ARL8B: variants seen among roughly 807,000 people sequenced by gnomAD.
ARL8B encodes the protein ADP-ribosylation factor-like protein 8B.
A neutral mutation model predicts 30.6 loss-of-function variants in ARL8B; 9 were observed. That is an observed-to-expected ratio of 0.29 (90% CI 0.18 to 0.51). ARL8B has a LOEUF of 0.51. Ranked by LOEUF, ARL8B falls within the 20% of genes least tolerant of loss-of-function variation. The pLI, the probability that ARL8B is intolerant of heterozygous loss-of-function variation, is 0.97. For missense variants in ARL8B, 130 were observed against 227.2 expected (o/e 0.57, Z 2.75); for synonymous variants, 74 against 76.0 (o/e 0.97, Z 0.14).
intron 1 of ARL8B, among the ~76,000 whole-genome samples, chr3:5,169,790 T>C (rs532286548): frequency 6.6e-6 from 1 of 152,308 alleles, no homozygotes; most frequent in South Asian, 2.1e-4. Flanking sequence ...TAATGTCTTA[T>C]ATAAGTGAAA....
chr3:5,157,868 A>T (rs1176543465), intron 1 of ARL8B: 2 of 152,210 alleles, frequency 1.3e-5, no homozygotes, highest in Non-Finnish European at 2.9e-5. Context: ...GATTGGGAGA[A>T]AACAAGCAAA....
chr3:5,165,412 A>G (rs1211708208), intron 1 of ARL8B, among the ~76,000 whole-genome samples: 1 of 152,190 alleles, frequency 6.6e-6, no homozygotes. Flanking sequence ...AGAAGGAAAA[A>G]TGACTAATTT....
chr3:5,134,417 G>A (rs2054308272), intron 1 of ARL8B, among the ~76,000 whole-genome samples: 1 of 152,184 alleles, frequency 6.6e-6, no homozygotes, highest in Non-Finnish European at 1.5e-5. Context: ...TTGCAGGCTG[G>A]GAAGCCTTTG....
At chr3:5,168,342 A>G (rs2054641476) in intron 1 of ARL8B, among the ~76,000 whole-genome samples, 1 of 152,262 alleles carries the variant, frequency 6.6e-6, no homozygotes, top group African/African-American at 2.4e-5. Context: ...AAGTGCTGGA[A>G]TTACAAGCTT....
At chr3:5,158,114 C>G (rs746183556) in intron 1 of ARL8B, among the ~76,000 whole-genome samples, 12 of 152,042 alleles carry the variant, frequency 7.9e-5, no homozygotes, top group Non-Finnish European at 1.2e-4. Flanking sequence ...TAGCTAGGAT[C>G]ACAGGTGCTC....
At chr3:5,139,797 A>G (rs912116658) in intron 1 of ARL8B, among the ~76,000 whole-genome samples, 1 of 152,172 alleles carries the variant, frequency 6.6e-6, no homozygotes, top group Non-Finnish European at 1.5e-5. Flanking sequence ...AAGCAGAAGT[A>G]GTTACTGGAT....
chr3:5,146,862 G>A (rs113902676), intron 1 of ARL8B, among the ~76,000 whole-genome samples: 7 of 152,164 alleles, frequency 4.6e-5, no homozygotes, highest in African/African-American at 1.7e-4. Flanking sequence ...GTGAATTAGG[G>A]AGGAGCAAGC....
intron 1 of ARL8B, among the ~76,000 whole-genome samples, chr3:5,166,426 T>C (rs1241463474): frequency 7.4e-6 from 1 of 135,832 alleles, no homozygotes; most frequent in Non-Finnish European, 1.5e-5. Context: ...CACTGCAACC[T>C]CCGCCTCCTG....
chr3:5,163,698 C>T (rs1337898247), intron 1 of ARL8B, among the ~76,000 whole-genome samples: 4 of 152,090 alleles, frequency 2.6e-5, no homozygotes, highest in African/African-American at 9.7e-5. Context: ...GGCGAAACCC[C>T]GTCTCTACTA....
At chr3:5,140,995 C>T (rs1042015545) in intron 1 of ARL8B, among the ~76,000 whole-genome samples, 12 of 152,218 alleles carry the variant, frequency 7.9e-5, no homozygotes, top group African/African-American at 2.9e-4. Context: ...GTCCCTCCCC[C>T]AGCTCCTCAT....
chr3:5,153,255 G>A (rs1056656870), intron 1 of ARL8B, among the ~76,000 whole-genome samples: 45 of 152,186 alleles, frequency 3.0e-4, no homozygotes, highest in African/African-American at 1.1e-3. Context: ...TCTCCTCTTT[G>A]AAGTCCCACA....
chr3:5,141,977 C>T (rs547142346), intron 1 of ARL8B, among the ~76,000 whole-genome samples: 22 of 152,244 alleles, frequency 1.4e-4, no homozygotes, highest in East Asian at 1.4e-3. Context: ...TAAATTTATT[C>T]GGCACTCCCC....
chr3:5,143,723 A>T (rs1057359656), intron 1 of ARL8B, among the ~76,000 whole-genome samples: 2 of 152,234 alleles, frequency 1.3e-5, no homozygotes, highest in African/African-American at 4.8e-5. Flanking sequence ...CAGGGTGGAA[A>T]TGGTGAACTG....
chr3:5,122,544 G>C lies in ARL8B; in HGVS notation c.79G>C (p.Gly27Arg). 1 of 1,612,536 alleles carries C rather than the reference G, an allele frequency of 6.2e-7. No homozygotes were observed. The highest frequency in any genetic ancestry group is 8.5e-7 in the Non-Finnish European group (1 of 1,179,334). ...GGAAGAGATGGAGCTGACGCTCGTG[G>C]GGCTGCAGTACTCGGGCAAGACCAC... is the stretch of plus-strand genomic sequence containing the variant. ...WKEEMELTLV[G>R]LQYSGKTTFV... The change falls in exon 1 of 7, where the codon GGG (glycine) becomes CGG (arginine). Residue 27 changes from glycine (G) to arginine (R), a missense_variant. By Grantham distance (125) the Gly-to-Arg change is moderately radical. Coordinates refer to ENST00000256496, the MANE Select transcript of ARL8B (RefSeq NM_018184.3).
intron 1 of ARL8B, among the ~76,000 whole-genome samples, chr3:5,148,042 A>G (rs1316954111): frequency 6.6e-6 from 1 of 151,688 alleles, no homozygotes; most frequent in Admixed American, 6.6e-5. Flanking sequence ...TCAGCTGGCA[A>G]GACTTCTTGC....
At chr3:5,155,422 A>T (rs932783035) in intron 1 of ARL8B, among the ~76,000 whole-genome samples, 1 of 151,946 alleles carries the variant, frequency 6.6e-6, no homozygotes, top group African/African-American at 2.4e-5. Flanking sequence ...AGCTTCTTGG[A>T]TGTTTATGTT....
chr3:5,159,463 G>A (rs1361278988), intron 1 of ARL8B, among the ~76,000 whole-genome samples: 1 of 151,818 alleles, frequency 6.6e-6, no homozygotes, highest in Non-Finnish European at 1.5e-5. Context: ...TTAGCTGGGT[G>A]TGGTGGTGCA....
At chr3:5,133,116 A>T (rs994585720) in intron 1 of ARL8B, among the ~76,000 whole-genome samples, 11 of 152,214 alleles carry the variant, frequency 7.2e-5, no homozygotes, top group African/African-American at 2.4e-4. Context: ...AAGATATTCA[A>T]GCAGGAACAG....
At chr3:5,134,841 C>A (rs1171082605) in intron 1 of ARL8B, among the ~76,000 whole-genome samples, 8 of 152,174 alleles carry the variant, frequency 5.3e-5, no homozygotes, top group African/African-American at 1.9e-4. Flanking sequence ...GGCTGTTCCA[C>A]CTTCACTATG....
Sources: gnomAD v4.1 joint callset for allele counts (sites outside exome capture counted in the v4.1 genomes callset) on GRCh38, gnomAD v4.1.1 for gene constraint, MANE v1.5 for transcripts, NCBI Gene and HGNC (gene_info 2026-07-23, HGNC 2026-07-21) for gene names.